The following ATXN2 variants were observed in gnomAD, a reference collection of about 807,000 sequenced individuals.
The protein encoded by ATXN2 is ataxin 2.
Under a neutral mutation model 138.6 loss-of-function variants are expected in ATXN2, and 37 were observed. That is an observed-to-expected ratio of 0.27 (90% CI 0.21 to 0.35). The LOEUF (loss-of-function observed/expected upper bound fraction) is 0.35, where lower values mean the gene tolerates loss of function less well. Ranked by LOEUF, ATXN2 falls within the 10% of genes least tolerant of loss-of-function variation. ATXN2 has a pLI of 1.00. For synonymous variants in ATXN2, 549 were observed against 543.7 expected (o/e 1.01, Z -0.13); for missense variants, 1,216 against 1,480.3 (o/e 0.82, Z 2.93).
intron 1 of ATXN2, among the ~76,000 whole-genome samples, chr12:111,563,616 G>T (rs1202672596): frequency 6.6e-6 from 1 of 152,032 alleles, no homozygotes; most frequent in African/African-American, 2.4e-5. Context: ...AAATGTTAAG[G>T]TGAATATGGT....
intron 5 of ATXN2, among the ~76,000 whole-genome samples, 179 bp from the exon 6 acceptor site, chr12:111,525,495 CA>C (rs1880434183): frequency 1.3e-5 from 2 of 152,164 alleles, no homozygotes; most frequent in Admixed American, 1.3e-4. Flanking sequence ...TTGATGAAAA[CA>C]AAAGACCAAT....
chr12:111,506,356 T>G (rs1879105983), intron 14 of ATXN2, among the ~76,000 whole-genome samples: 2 of 152,212 alleles, frequency 1.3e-5, no homozygotes, highest in African/African-American at 2.4e-5. Flanking sequence ...TTTAAATGGT[T>G]GATTTATATA....
intron 5 of ATXN2, among the ~76,000 whole-genome samples, chr12:111,546,264 G>T (rs1015876199): frequency 3.3e-5 from 5 of 152,158 alleles, no homozygotes; most frequent in South Asian, 2.1e-4. Flanking sequence ...ATGTATTTTT[G>T]ATCAGTCCTA....
chr12:111,549,086 T>C (rs980616381), intron 5 of ATXN2, among the ~76,000 whole-genome samples: 3 of 152,002 alleles, frequency 2.0e-5, no homozygotes, highest in Admixed American at 1.3e-4. Context: ...ATGAAACCCA[T>C]AGCTCACACC....
chr12:111,507,642 C>T (rs912803245), intron 14 of ATXN2, among the ~76,000 whole-genome samples: 1 of 152,022 alleles, frequency 6.6e-6, no homozygotes, highest in African/African-American at 2.4e-5. Context: ...GCCCGGCCAC[C>T]ACCCCGTCTG....
At chr12:111,457,474 T>C (rs1875199786) in intron 21 of ATXN2, 115 bp from the exon 22 acceptor site, 2 of 1,163,430 alleles carry the variant, frequency 1.7e-6, no homozygotes, top group East Asian at 2.6e-5. Context: ...CTCACGCCAC[T>C]ACCAATTTCT....
intron 1 of ATXN2, among the ~76,000 whole-genome samples, chr12:111,582,410 G>T (rs10774629): frequency 1.3e-5 from 2 of 150,722 alleles, no homozygotes; most frequent in African/African-American, 2.4e-5. Flanking sequence ...ACCACGCACT[G>T]CAGCCTGGGT....
intron 5 of ATXN2, among the ~76,000 whole-genome samples, chr12:111,534,417 T>A (rs1271708606): frequency 6.6e-6 from 1 of 152,052 alleles, no homozygotes; most frequent in Admixed American, 6.6e-5. Flanking sequence ...AATATATACA[T>A]GTAAACTTTT....
intron 23 of ATXN2, chr12:111,455,719 G>T: frequency 2.2e-6 from 1 of 455,710 alleles, no homozygotes; most frequent in Non-Finnish European, 4.0e-6. Context: ...ATATAGTAGT[G>T]AGGCTATATA....
Position 111,456,238 on chromosome 12 carries a change from C to T in ATXN2, c.3061G>A (p.Ala1021Thr), listed in dbSNP as rs199590969. 1.4e-5 allele frequency: 23 copies of T among 1,614,166 alleles called. No homozygotes were observed. The highest frequency in any genetic ancestry group is 1.0e-4 in the Admixed American group (6 of 60,016). Residue 1021 changes from alanine (A) to threonine (T), a missense_variant, in exon 23 of 25, where the codon GCC becomes ACC. Coordinates refer to ENST00000673436, the MANE Select transcript of ATXN2 (RefSeq NM_001372574.1). ...SPVQHHQHQA[A>T]QALHLASPQQ... ...GGACTGGCCAGATGGAGAGCCTGGG[C>T]GGCCTGGTGCTGATGGTGCTGCAAA...
rs184375805 is a variant in ATXN2, at chr12:111,467,565, A to G, written c.2842+2543T>C. Among the ~76,000 whole-genome samples the G allele has an allele frequency of 1.5e-3, 221 of 152,250 alleles. 1 individual carries two copies. Among genetic ancestry groups the G allele is most frequent in the Non-Finnish European group, 2.7e-3 (181 of 68,016 alleles). On this transcript the variant is annotated intron_variant, in intron 20 of 24. Transcript: ENST00000673436. ...CTAGCCTGCCTCCATACAGACAGCA[A>G]TTAAATACCACCTGTGTAAACTGCA...
At chr12:111,530,296 G>A (rs895682656) in intron 5 of ATXN2, among the ~76,000 whole-genome samples, 3 of 152,172 alleles carry the variant, frequency 2.0e-5, no homozygotes, top group African/African-American at 7.2e-5. Flanking sequence ...AGGAGCTCCT[G>A]GGTGTAAGAG....
At chr12:111,574,169 G>C (rs1349169711) in intron 1 of ATXN2, among the ~76,000 whole-genome samples, 3 of 151,408 alleles carry the variant, frequency 2.0e-5, no homozygotes, top group Non-Finnish European at 4.4e-5. Flanking sequence ...TTAGCCGGGC[G>C]TGGTGGCGGG....
chr12:111,522,206 C>G (rs1355300351), intron 6 of ATXN2, among the ~76,000 whole-genome samples: 1 of 141,732 alleles, frequency 7.1e-6, no homozygotes. Context: ...TTTAAAATTA[C>G]TTAAGTAATG....
chr12:111,538,776 TA>T (rs1336164427), intron 5 of ATXN2, among the ~76,000 whole-genome samples: 2 of 150,272 alleles, frequency 1.3e-5, no homozygotes. Context: ...CAAAATCAAC[TA>T]AAAAATAATA....
At chr12:111,454,836 C>G (rs1317406993) in intron 23 of ATXN2, 1 of 518,556 alleles carries the variant, frequency 1.9e-6, no homozygotes, top group Non-Finnish European at 3.5e-6. Flanking sequence ...AGTTCACATG[C>G]CTACTTAGCC....
chr12:111,576,823 T>C (rs113164591), intron 1 of ATXN2, among the ~76,000 whole-genome samples: 3 of 151,142 alleles, frequency 2.0e-5, no homozygotes, highest in Non-Finnish European at 4.4e-5. Flanking sequence ...CCAGGCATGG[T>C]GGCGGGCTCC....
At chr12:111,459,629 CG>C (rs1186274319) in intron 21 of ATXN2, among the ~76,000 whole-genome samples, 1 of 151,730 alleles carries the variant, frequency 6.6e-6, no homozygotes, top group Non-Finnish European at 1.5e-5. Context: ...TTAGTAGAGA[CG>C]GGTTTCACCA....
At chr12:111,556,857 C>T (rs1269702259) in intron 1 of ATXN2, among the ~76,000 whole-genome samples, 1 of 145,712 alleles carries the variant, frequency 6.9e-6, no homozygotes, top group African/African-American at 2.8e-5. Flanking sequence ...ATGATTACAA[C>T]TGCAGAAAAA....
Sources: allele counts gnomAD v4.1 joint callset (sites outside exome capture counted in the v4.1 genomes callset), GRCh38; gene constraint gnomAD v4.1.1; transcripts MANE v1.5; gene names NCBI Gene and HGNC (gene_info 2026-07-23, HGNC 2026-07-21).